Variants in CRLS1 observed in about 807,000 individuals in gnomAD.
CRLS1 encodes the protein cardiolipin synthase (CMP-forming).
Under a neutral mutation model 37.0 loss-of-function variants are expected in CRLS1, and 24 were observed. The observed-to-expected ratio is 0.65, with a 90% CI of 0.47 to 0.91. CRLS1 has a LOEUF of 0.91. CRLS1 is among the 40% of genes least tolerant of loss of function. The pLI, the probability that CRLS1 is intolerant of heterozygous loss-of-function variation, is 0.00. For synonymous variants in CRLS1, 135 were observed against 159.7 expected, an observed-to-expected ratio of 0.85 and a Z score of 1.17; for missense variants, 373 against 395.8, an observed-to-expected ratio of 0.94 and a Z score of 0.49.
At chr20:6,034,677 T>A (rs1980421491) in intron 6 of CRLS1, 122 bp downstream of exon 6, 1 of 690,728 alleles carries the variant, frequency 1.4e-6, no homozygotes, top group Admixed American at 2.8e-5. Context: ...TGTGGCTATA[T>A]TTGGTGATTG....
At chr20:6,016,798 G>A (rs1379940363) in intron 3 of CRLS1, among the ~76,000 whole-genome samples, 2 of 152,010 alleles carry the variant, frequency 1.3e-5, no homozygotes, top group Non-Finnish European at 2.9e-5. Context: ...CTTCTGTGTT[G>A]AGTCTGTTTT....
At chr20:6,017,444 C>T (rs1978847153) in intron 3 of CRLS1, among the ~76,000 whole-genome samples, 1 of 152,200 alleles carries the variant, frequency 6.6e-6, no homozygotes, top group Admixed American at 6.5e-5. Context: ...TATGGCTACC[C>T]AGTTATCCTA....
intron 3 of CRLS1, 194 bp downstream of exon 3, chr20:6,015,684 A>C: frequency 3.7e-6 from 2 of 543,548 alleles, no homozygotes; most frequent in Non-Finnish European, 3.3e-6. Flanking sequence ...TCCTTGTTTT[A>C]CTAGTAAAAT....
intron 2 of CRLS1, among the ~76,000 whole-genome samples, chr20:6,012,434 G>T (rs923115305): frequency 6.6e-6 from 1 of 152,110 alleles, no homozygotes; most frequent in Non-Finnish European, 1.5e-5. Context: ...GGAGAGAAGT[G>T]TGTGGGTTTG....
Position 6,031,189 on chromosome 20 carries a change from G to C in CRLS1, c.575-96G>C, listed in dbSNP as rs181466403. ...AAAATTTCTATTTGTGAAAACAGCA[G>C]TTTGTGGTAAGGCTGAATGACATAT... On this transcript the variant is annotated intron_variant, in intron 3 of 6. Transcript: ENST00000378863. 5.6e-5 allele frequency: 42 copies of C among 753,140 alleles called. 1 individual carries two copies. The East Asian group carries it at 1.2e-3, about 22-fold the overall frequency. The allele number at this position is 753,140 out of a possible 1,614,324, so 46.7% of individuals were successfully genotyped here.
rs2090055973 is a variant in CRLS1, at chr20:6,006,443, G to A, written c.197G>A (p.Arg66Gln). 1.4e-6 allele frequency: 2 copies of A among 1,407,486 alleles called. No individual in the cohort carries two copies. The highest frequency in any genetic ancestry group is 9.2e-7 in the Non-Finnish European group (1 of 1,081,892). The allele number at this position is 1,407,486 out of a possible 1,614,324, so 87.2% of individuals were successfully genotyped here. ...TTGCGGCTGCCCGGGATCGGCCAGCGGAACCACTGTTCGGGCGCGGGGAAG... is the reference window on the plus strand; with the variant it reads ...TTGCGGCTGCCCGGGATCGGCCAGCAGAACCACTGTTCGGGCGCGGGGAAG... ...LGLRLPGIGQ[R>Q]NHCSGAGKAA... Residue 66 changes from arginine (R) to glutamine (Q), a missense_variant, in exon 1 of 7, where the codon CGG becomes CAG. Transcript: ENST00000378863.
chr20:6,035,808 A>T lies in CRLS1; in HGVS notation c.821+1253A>T, dbSNP rs375826069. ...CCTGGCTATTTTTTTTTAATTAATT[A>T]ATTTATTTATTTTTGAGACAGAGTC... is the stretch of plus-strand genomic sequence containing the variant. On this transcript the variant is annotated intron_variant, in intron 6 of 6. Coordinates refer to ENST00000378863, the MANE Select transcript of CRLS1 (RefSeq NM_019095.6). Among the ~76,000 whole-genome samples, 661 of 149,818 alleles carry T rather than the reference A, an allele frequency of 4.4e-3. 3 individuals carry two copies. Among genetic ancestry groups the T allele is most frequent in the African/African-American group, 0.014 (588 of 40,634 alleles).
chr20:6,018,715 G>A (rs1468089375), intron 3 of CRLS1, among the ~76,000 whole-genome samples: 1 of 152,150 alleles, frequency 6.6e-6, no homozygotes, highest in African/African-American at 2.4e-5. Flanking sequence ...GCCTCCCAAA[G>A]TTCTGGGATT....
At chr20:6,020,505 CACT>C (rs1289932642) in intron 3 of CRLS1, among the ~76,000 whole-genome samples, 2 of 152,110 alleles carry the variant, frequency 1.3e-5, no homozygotes, top group East Asian at 1.9e-4. Context: ...CCTTTCAGCC[CACT>C]ACTGTCAGAT....
At chr20:6,023,744 C>T (rs1600374834) in intron 3 of CRLS1, among the ~76,000 whole-genome samples, 1 of 143,534 alleles carries the variant, frequency 7.0e-6, no homozygotes, top group Non-Finnish European at 1.5e-5. Flanking sequence ...TGTTCTTTGT[C>T]TTCATTAAAA....
intron 5 of CRLS1, among the ~76,000 whole-genome samples, chr20:6,033,288 C>G (rs990699145): frequency 6.6e-6 from 1 of 151,494 alleles, no homozygotes; most frequent in Non-Finnish European, 1.5e-5. Flanking sequence ...CGCCACCACG[C>G]CCAGCTAATT....
chr20:6,037,046 A>G, intron 6 of CRLS1, 28 bp from the exon 7 acceptor site: 1 of 1,539,162 alleles, frequency 6.5e-7, no homozygotes, highest in Non-Finnish European at 9.0e-7. Context: ...CTTGACAACT[A>G]CATTTTATTT....
intron 1 of CRLS1, among the ~76,000 whole-genome samples, chr20:6,008,457 T>A (rs1177807656): frequency 6.6e-6 from 1 of 152,218 alleles, no homozygotes; most frequent in Non-Finnish European, 1.5e-5. Flanking sequence ...AAGAAGGGGA[T>A]GTTCTTCAGA....
At chr20:6,035,788 C>T (rs1980501228) in intron 6 of CRLS1, among the ~76,000 whole-genome samples, 1 of 151,090 alleles carries the variant, frequency 6.6e-6, no homozygotes. Context: ...CCACACCTGG[C>T]TATTTTTTTT....
chr20:6,012,695 G>A (rs539007365), intron 2 of CRLS1, among the ~76,000 whole-genome samples: 5 of 152,282 alleles, frequency 3.3e-5, no homozygotes, highest in African/African-American at 1.2e-4. Context: ...GGAGTTGGAG[G>A]AAGTCATCGT....
rs1349711455 is a variant in CRLS1 at position 6,009,777 on chromosome 20, T to G, written c.309T>G (p.Tyr103Ter). The G allele has an allele frequency of 1.2e-6, 2 of 1,608,902 alleles. No individual in the cohort carries two copies. The highest frequency in any genetic ancestry group is 2.2e-5 in the East Asian group (1 of 44,764). Reference protein sequence around the residue: ...QWGPASTPSLYENPWTIPNML... With the variant: ...QWGPASTPSL ...ATTTTGTTGTCTTTGTGTTTCAGTA[T>G]GAAAACCCATGGACAATCCCGAATA... The change falls in exon 2 of 7, where the codon TAT becomes TAG. Residue 103 changes from tyrosine (Y) to a stop codon, truncating the protein, a stop_gained and splice_region_variant. Transcript: ENST00000378863. LOFTEE classifies it high-confidence loss of function.
chr20:6,012,386 C>A (rs964640583), intron 2 of CRLS1, among the ~76,000 whole-genome samples: 1 of 151,984 alleles, frequency 6.6e-6, no homozygotes, highest in African/African-American at 2.4e-5. Context: ...CCATGGCAGC[C>A]GTGGTGGGAG....
At chr20:6,032,230 C>A in intron 5 of CRLS1, 150 bp downstream of exon 5, 1 of 586,666 alleles carries the variant, frequency 1.7e-6, no homozygotes, top group Non-Finnish European at 3.0e-6. Context: ...GCAGTTTTAA[C>A]CTAGTTTGTC....
rs756409446 is a variant in CRLS1, at chr20:6,033,747, A to G, written c.730-717A>G. 3.1e-4 allele frequency among the ~76,000 whole-genome samples: 47 copies of G among 152,106 alleles called. 1 individual carries two copies. Among genetic ancestry groups the G allele is most frequent in the Admixed American group, 6.5e-5 (1 of 15,272 alleles). ...CAGCCTTGAGTGCAGTGGCGCAATC[A>G]TAGCTCACTGCAGCCTTGACTTCCC... On this transcript the variant is annotated intron_variant, in intron 5 of 6. Coordinates refer to ENST00000378863, the MANE Select transcript of CRLS1 (RefSeq NM_019095.6).
Sources: gnomAD v4.1 joint callset for allele counts (sites outside exome capture counted in the v4.1 genomes callset) on GRCh38, gnomAD v4.1.1 for gene constraint, MANE v1.5 for transcripts, NCBI Gene and HGNC (gene_info 2026-07-23, HGNC 2026-07-21) for gene names.